The following SLC39A11 variants were observed in gnomAD, a reference collection of about 807,000 sequenced individuals.
SLC39A11 encodes the protein solute carrier family 39 member 11, also known as zinc transporter ZIP11.
Under a neutral mutation model 36.1 loss-of-function variants are expected in SLC39A11, and 33 were observed. The observed-to-expected ratio is 0.91, with a 90% CI of 0.69 to 1.22. The LOEUF (loss-of-function observed/expected upper bound fraction) is 1.22, where lower values mean the gene tolerates loss of function less well. SLC39A11 is among the 50% of genes most tolerant of loss of function. The pLI, the probability that SLC39A11 is intolerant of heterozygous loss-of-function variation, is 0.00. For missense variants in SLC39A11, 432 were observed against 430.3 expected (o/e 1.00, Z -0.03); for synonymous variants, 166 against 170.3 (o/e 0.97, Z 0.20).
intron 5 of SLC39A11, among the ~76,000 whole-genome samples, chr17:72,905,344 C>T (rs886780791): frequency 2.0e-5 from 3 of 151,030 alleles, no homozygotes; most frequent in African/African-American, 7.3e-5. Flanking sequence ...ACCTGTACTC[C>T]CAGCAATTTG....
chr17:72,760,795 G>A (rs557287118), intron 6 of SLC39A11, among the ~76,000 whole-genome samples: 10 of 152,294 alleles, frequency 6.6e-5, no homozygotes, highest in African/African-American at 2.2e-4. Context: ...CTCCATGGAA[G>A]GCTGTGTACT....
intron 7 of SLC39A11, among the ~76,000 whole-genome samples, chr17:72,720,893 C>T (rs138281709): frequency 4.5e-4 from 68 of 152,240 alleles, no homozygotes; most frequent in African/African-American, 1.6e-3. Context: ...CCCCCGAACA[C>T]ATACAATGAG....
At chr17:72,887,312 A>G (rs115850953) in intron 5 of SLC39A11, among the ~76,000 whole-genome samples, 3,493 of 152,320 alleles carry the variant, frequency 0.023, 128 homozygotes, top group African/African-American at 0.078. Context: ...TCTGTATCAG[A>G]AAGGGGCTAT....
At chr17:72,781,029 C>G (rs1285645291) in intron 6 of SLC39A11, among the ~76,000 whole-genome samples, 1 of 152,176 alleles carries the variant, frequency 6.6e-6, no homozygotes, top group African/African-American at 2.4e-5. Context: ...CAGCTTATTT[C>G]TTTACAGTCC....
chr17:72,677,708 A>T lies in SLC39A11; in HGVS notation c.672-28440T>A, dbSNP rs138358287. Among the ~76,000 whole-genome samples the T allele has an allele frequency of 5.4e-4, 82 of 152,288 alleles. 1 individual carries two copies. Among genetic ancestry groups the T allele is most frequent in the African/African-American group, 9.4e-4 (39 of 41,580 alleles). On this transcript the variant is annotated intron_variant, in intron 7 of 9. Transcript: ENST00000255559. ...TCCCCGGCAGGCATAGTATCCAGGA[A>T]CACTTGGGGTATTGGGAAAATGAAG...
intron 3 of SLC39A11, among the ~76,000 whole-genome samples, chr17:73,045,154 T>C (rs993838882): frequency 1.3e-5 from 2 of 152,004 alleles, no homozygotes; most frequent in African/African-American, 2.4e-5. Context: ...ACTAAGTACC[T>C]GACAAGGCCC....
At chr17:72,935,328 G>T (rs1375456420) in intron 5 of SLC39A11, among the ~76,000 whole-genome samples, 2 of 152,108 alleles carry the variant, frequency 1.3e-5, no homozygotes, top group South Asian at 4.1e-4. Context: ...AAATATAGGG[G>T]CAGAGAACAG....
intron 3 of SLC39A11, chr17:73,067,813 G>C: frequency 6.8e-7 from 1 of 1,465,170 alleles, no homozygotes; most frequent in Non-Finnish European, 9.5e-7. Flanking sequence ...ACTTTTCAGA[G>C]CTGTCTCTTC....
chr17:72,825,207 C>G (rs1171497877), intron 6 of SLC39A11, among the ~76,000 whole-genome samples: 1 of 140,740 alleles, frequency 7.1e-6, no homozygotes, highest in Non-Finnish European at 1.7e-5. Flanking sequence ...ACACTGCTCC[C>G]TGCATCCCAG....
chr17:73,048,216 C>T (rs1473277826), intron 3 of SLC39A11, among the ~76,000 whole-genome samples: 4 of 151,862 alleles, frequency 2.6e-5, no homozygotes, highest in African/African-American at 9.7e-5. Context: ...GTCTTCAGTG[C>T]TTCTTTTTCC....
intron 3 of SLC39A11, among the ~76,000 whole-genome samples, chr17:73,038,166 G>A (rs1035398615): frequency 3.3e-5 from 5 of 152,166 alleles, no homozygotes; most frequent in African/African-American, 4.8e-5. Context: ...GGAGGTGGCA[G>A]TGAACTGAGA....
At chr17:72,924,729 C>T (rs75755794) in intron 5 of SLC39A11, among the ~76,000 whole-genome samples, 6,474 of 152,158 alleles carry the variant, frequency 0.043, 447 homozygotes, top group African/African-American at 0.15. Flanking sequence ...AGAGGCCAGG[C>T]ACGGTGGCTC....
intron 5 of SLC39A11, among the ~76,000 whole-genome samples, chr17:72,865,641 C>T (rs1042749533): frequency 6.6e-6 from 1 of 151,782 alleles, no homozygotes; most frequent in African/African-American, 2.4e-5. Context: ...AATGCAGCCA[C>T]CAGAGAAGGA....
At chr17:72,699,452 G>T (rs1303083542) in intron 7 of SLC39A11, among the ~76,000 whole-genome samples, 1 of 152,160 alleles carries the variant, frequency 6.6e-6, no homozygotes, top group Non-Finnish European at 1.5e-5. Flanking sequence ...CTTGGCCTGG[G>T]AATCTATCCA....
At chr17:72,881,401 T>C (rs915496205) in intron 5 of SLC39A11, among the ~76,000 whole-genome samples, 1 of 152,234 alleles carries the variant, frequency 6.6e-6, no homozygotes, top group Non-Finnish European at 1.5e-5. Context: ...AATTGTACCA[T>C]TTAAATATGT....
intron 6 of SLC39A11, among the ~76,000 whole-genome samples, chr17:72,741,120 A>G (rs2074679568): frequency 6.6e-6 from 1 of 152,240 alleles, no homozygotes; most frequent in South Asian, 2.1e-4. Flanking sequence ...AGCTCACTGC[A>G]ACAGCAACAG....
At chr17:72,663,022 C>T (rs1201991981) in intron 7 of SLC39A11, among the ~76,000 whole-genome samples, 1 of 152,116 alleles carries the variant, frequency 6.6e-6, no homozygotes, top group Non-Finnish European at 1.5e-5. Flanking sequence ...AGGTTTATAC[C>T]TCTGTGTGAG....
chr17:73,047,331 C>T (rs981799480), intron 3 of SLC39A11, among the ~76,000 whole-genome samples: 1 of 152,174 alleles, frequency 6.6e-6, no homozygotes, highest in Non-Finnish European at 1.5e-5. Context: ...GCAAGAAGAA[C>T]CACCTTCTGT....
At chr17:72,843,956 C>CA (rs905270056) in intron 6 of SLC39A11, among the ~76,000 whole-genome samples, 1 of 150,616 alleles carries the variant, frequency 6.6e-6, no homozygotes. Flanking sequence ...CCTTCTACTC[C>CA]AAAAAAAAAT....
Sources: allele counts gnomAD v4.1 joint callset (sites outside exome capture counted in the v4.1 genomes callset), GRCh38; gene constraint gnomAD v4.1.1; transcripts MANE v1.5; gene names NCBI Gene and HGNC (gene_info 2026-07-23, HGNC 2026-07-21).